The following CYP19A1 variants were observed in gnomAD, a reference collection of about 807,000 sequenced individuals.
The protein encoded by CYP19A1 is cytochrome P450 family 19 subfamily A member 1.
In CYP19A1, 32 loss-of-function variants were observed where a neutral mutation model predicts 44.4. The observed-to-expected ratio is 0.72, with a 90% CI of 0.54 to 0.97. CYP19A1 has a LOEUF of 0.97. Among genes scored for constraint, CYP19A1 ranks in the 50% least tolerant of loss-of-function variants. CYP19A1 has a pLI of 0.00. For missense variants in CYP19A1, 598 were observed against 637.8 expected (o/e 0.94, Z 0.67); for synonymous variants, 212 against 215.6 (o/e 0.98, Z 0.14).
chr15:51,239,258 G>A (rs1352750101), intron 2 of CYP19A1, among the ~76,000 whole-genome samples: 2 of 152,138 alleles, frequency 1.3e-5, no homozygotes, highest in Non-Finnish European at 2.9e-5. Context: ...CAACAGCTGG[G>A]ACCTCTCCCC....
intron 1 of CYP19A1, among the ~76,000 whole-genome samples, chr15:51,254,051 C>A (rs1041040853): frequency 7.2e-5 from 11 of 152,150 alleles, no homozygotes; most frequent in African/African-American, 2.7e-4. Flanking sequence ...AGTAGAAAGG[C>A]AGTTGATGAG....
intron 8 of CYP19A1, 50 bp from the exon 9 acceptor site, chr15:51,212,611 G>C: frequency 8.1e-7 from 1 of 1,241,130 alleles, no homozygotes. Context: ...GTTTCCATCT[G>C]TGATTGGTAT....
At position 51,210,858 on chromosome 15, in the gene CYP19A1, G is replaced by T; in HGVS notation, c.1462C>A (p.Leu488Met). ...TTTCTTGGGGTAAAGATCATTTCCA[G>T]CATGTTTTTAGTCTCATCTGGGTGC... ...SLHPDETKNM[L>M]EMIFTPRNSD... The change falls in exon 10 of 10, where the codon CTG (leucine) becomes ATG (methionine). Residue 488 changes from leucine (L) to methionine (M), a missense_variant. By Grantham distance (15) the Leu-to-Met change is conservative (BLOSUM62 2). Transcript: ENST00000396402. 1 of 1,596,188 alleles carries T rather than the reference G, an allele frequency of 6.3e-7. No homozygotes were observed. Among genetic ancestry groups the T allele is most frequent in the Non-Finnish European group, 8.6e-7 (1 of 1,163,632 alleles).
chr15:51,280,427 C>A (rs2035480165), intron 1 of CYP19A1, among the ~76,000 whole-genome samples: 1 of 152,162 alleles, frequency 6.6e-6, no homozygotes, highest in Non-Finnish European at 1.5e-5. Context: ...ATCTATCCAT[C>A]CTGGTCTCCC....
At chr15:51,234,716 C>T (rs140584178) in intron 3 of CYP19A1, among the ~76,000 whole-genome samples, 1 of 152,144 alleles carries the variant, frequency 6.6e-6, no homozygotes, top group Non-Finnish European at 1.5e-5. Context: ...TGAGCTTCCT[C>T]CTCCACCCTC....
intron 1 of CYP19A1, among the ~76,000 whole-genome samples, chr15:51,317,480 G>A (rs917802026): frequency 2.0e-5 from 3 of 152,210 alleles, no homozygotes; most frequent in African/African-American, 7.2e-5. Context: ...AATCCTAACT[G>A]AGAAAACAAT....
chr15:51,262,188 G>C (rs1303226640), intron 1 of CYP19A1, among the ~76,000 whole-genome samples: 2 of 152,214 alleles, frequency 1.3e-5, no homozygotes, highest in South Asian at 4.1e-4. Context: ...TGTTCCTGCT[G>C]CAGATAACTA....
At chr15:51,320,932 G>A (rs899312775) in intron 1 of CYP19A1, 3 of 152,376 alleles carry the variant, frequency 2.0e-5, no homozygotes, top group African/African-American at 7.2e-5. Context: ...AATCTGGTGT[G>A]TGTTTTATCC....
At position 51,297,157 on chromosome 15, in the gene CYP19A1, C is replaced by T. The variant is rs372064083; in HGVS notation, c.-39+41338G>A. 1.2e-3 allele frequency among the ~76,000 whole-genome samples: 183 copies of T among 152,284 alleles called. No homozygotes were observed. In the Middle Eastern group the frequency reaches 0.014, roughly 11 times the overall value. ...GCCCTAGGATCCCAGACCTTTAGACCTGGAAGAACTTGAGAATTTATCTTG... is the reference window on the plus strand; with the variant it reads ...GCCCTAGGATCCCAGACCTTTAGACTTGGAAGAACTTGAGAATTTATCTTG... On this transcript the variant is annotated intron_variant, in intron 1 of 9. Coordinates refer to ENST00000396402, the MANE Select transcript of CYP19A1 (RefSeq NM_000103.4).
chr15:51,251,726 C>T (rs2034317645), intron 1 of CYP19A1, among the ~76,000 whole-genome samples: 1 of 152,178 alleles, frequency 6.6e-6, no homozygotes, highest in East Asian at 1.9e-4. Flanking sequence ...ACTCAGTGGC[C>T]CATAGCTACC....
Position 51,326,108 on chromosome 15 carries a change from T to A in CYP19A1, c.-39+12387A>T, listed in dbSNP as rs573352885. On this transcript the variant is annotated intron_variant, in intron 1 of 9. Transcript: ENST00000396402. ...TTCACACCATTATAAAACTGAAAAA[T>A]CATAAGTTGAATCATTATAAGTCAG... is the stretch of plus-strand genomic sequence containing the variant. Among the ~76,000 whole-genome samples, 5 of 152,234 alleles carry A rather than the reference T, an allele frequency of 3.3e-5. No homozygotes were observed. In the South Asian group the frequency reaches 1.0e-3, roughly 32 times the overall value.
At chr15:51,261,085 G>A (rs1181799483) in intron 1 of CYP19A1, among the ~76,000 whole-genome samples, 6 of 152,290 alleles carry the variant, frequency 3.9e-5, no homozygotes, top group East Asian at 3.9e-4. Flanking sequence ...ACTCCCGATC[G>A]GGCTAGAGGC....
intron 1 of CYP19A1, among the ~76,000 whole-genome samples, chr15:51,261,598 C>G (rs956053802): frequency 6.6e-6 from 1 of 152,230 alleles, no homozygotes; most frequent in African/African-American, 2.4e-5. Flanking sequence ...ACAGATGGCA[C>G]AATGCCTTGA....
Position 51,284,115 on chromosome 15 carries a change from A to G in CYP19A1, c.-38-41165T>C, listed in dbSNP as rs543986097. ...CCTCAACTCTGTGGTCTGCCTCCCCAGGAGAAAGAATTGCTCAGTTGCTGC... is the reference window on the plus strand; with the variant it reads ...CCTCAACTCTGTGGTCTGCCTCCCCGGGAGAAAGAATTGCTCAGTTGCTGC... On this transcript the variant is annotated intron_variant, in intron 1 of 9. Coordinates refer to ENST00000396402, the MANE Select transcript of CYP19A1 (RefSeq NM_000103.4). Among the ~76,000 whole-genome samples the G allele has an allele frequency of 2.6e-5, 4 of 152,282 alleles. No homozygotes were observed. In the South Asian group the frequency reaches 8.3e-4, roughly 32 times the overall value.
chr15:51,227,802 G>A lies in CYP19A1; in HGVS notation c.428C>T (p.Thr143Ile). ...IFNNNPELWK[T>I]TRPFFMKALS... ...ACCTTTCATAAAGAAGGGTCGAGTT[G>A]TTTTCCAGAGCTCTGGATTGTTGTT... Residue 143 changes from threonine (T) to isoleucine (I), a missense_variant, in exon 4 of 10, where the codon ACA becomes ATA. Coordinates refer to ENST00000396402, the MANE Select transcript of CYP19A1 (RefSeq NM_000103.4). 6.5e-7 allele frequency: 1 copy of A among 1,544,328 alleles called. No homozygotes were observed. The highest frequency in any genetic ancestry group is 9.0e-7 in the Non-Finnish European group (1 of 1,116,464).
At chr15:51,332,165 T>G (rs2036712517) in intron 1 of CYP19A1, among the ~76,000 whole-genome samples, 1 of 152,198 alleles carries the variant, frequency 6.6e-6, no homozygotes, top group South Asian at 2.1e-4. Flanking sequence ...TTTCTTTCTC[T>G]TCTTAATTTG....
chr15:51,271,919 T>C (rs1268612869), intron 1 of CYP19A1, among the ~76,000 whole-genome samples: 1 of 152,272 alleles, frequency 6.6e-6, no homozygotes, highest in Non-Finnish European at 1.5e-5. Flanking sequence ...CAGCAGATTT[T>C]GTACCAGTTC....
chr15:51,260,396 A>G (rs2034669862), intron 1 of CYP19A1, among the ~76,000 whole-genome samples: 2 of 152,224 alleles, frequency 1.3e-5, no homozygotes, highest in Admixed American at 1.3e-4. Context: ...CATTGTGACT[A>G]AAAACGTCTG....
chr15:51,271,570 A>G (rs1249855028), intron 1 of CYP19A1, among the ~76,000 whole-genome samples: 1 of 152,218 alleles, frequency 6.6e-6, no homozygotes, highest in Non-Finnish European at 1.5e-5. Flanking sequence ...TAGCTCCACC[A>G]CAGTTCTACC....
Sources: gnomAD v4.1 joint callset for allele counts (sites outside exome capture counted in the v4.1 genomes callset) on GRCh38, gnomAD v4.1.1 for gene constraint, MANE v1.5 for transcripts, NCBI Gene and HGNC (gene_info 2026-07-23, HGNC 2026-07-21) for gene names.